Variants in NAALADL2 observed in about 807,000 individuals in gnomAD.
NAALADL2 encodes inactive N-acetylated-alpha-linked acidic dipeptidase-like protein 2.
A neutral mutation model predicts 87.2 loss-of-function variants in NAALADL2; 76 were observed. That is an observed-to-expected ratio of 0.87 (90% CI 0.72 to 1.05). The LOEUF is 1.05. Among genes scored for constraint, NAALADL2 ranks in the 50% least tolerant of loss-of-function variants. The pLI is 0.00. For synonymous variants in NAALADL2, 354 were observed against 331.0 expected (o/e 1.07, Z -0.75); for missense variants, 1,089 against 945.8 (o/e 1.15, Z -1.99).
intron 1 of NAALADL2, among the ~76,000 whole-genome samples, chr3:175,039,443 CCCT>C (rs1362977971): frequency 6.6e-5 from 10 of 152,142 alleles, no homozygotes; most frequent in Non-Finnish European, 1.3e-4. Flanking sequence ...CCTACACAAT[CCCT>C]CCTCCTTTAT....
intron 1 of NAALADL2, among the ~76,000 whole-genome samples, chr3:174,976,059 C>T (rs62286233): frequency 0.044 from 6,691 of 152,038 alleles, 181 homozygotes; most frequent in East Asian, 0.12. Context: ...AACAAAAAAC[C>T]CAAATACAAT....
At chr3:174,978,276 T>G (rs1408726693) in intron 1 of NAALADL2, among the ~76,000 whole-genome samples, 1 of 152,244 alleles carries the variant, frequency 6.6e-6, no homozygotes, top group Non-Finnish European at 1.5e-5. Flanking sequence ...TTTCTTTCTC[T>G]TCAGTGTACA....
intron 1 of NAALADL2, among the ~76,000 whole-genome samples, chr3:174,947,697 A>G (rs949200319): frequency 5.3e-5 from 8 of 152,052 alleles, no homozygotes; most frequent in African/African-American, 1.9e-4. Context: ...AGGTTTTAAA[A>G]AAAAATCCAC....
At chr3:174,826,320 T>G (rs541919917) in intron 3 of NAALADL2, among the ~76,000 whole-genome samples, 1 of 152,348 alleles carries the variant, frequency 6.6e-6, no homozygotes, top group East Asian at 1.9e-4. Context: ...AGAGCTAGAA[T>G]GCTTGTTTTG....
intron 3 of NAALADL2, among the ~76,000 whole-genome samples, chr3:174,787,764 C>T (rs988010412): frequency 6.6e-6 from 1 of 150,680 alleles, no homozygotes; most frequent in African/African-American, 2.4e-5. Flanking sequence ...ACCTAAGTGT[C>T]AATACGTTGT....
chr3:174,590,909 G>A (rs1035872964), intron 2 of NAALADL2, among the ~76,000 whole-genome samples: 9 of 152,048 alleles, frequency 5.9e-5, no homozygotes, highest in Non-Finnish European at 1.0e-4. Context: ...TTAAAGAGAG[G>A]CTTCCATTAG....
chr3:175,126,130 T>C (rs1288611725), intron 2 of NAALADL2, among the ~76,000 whole-genome samples: 1 of 152,008 alleles, frequency 6.6e-6, no homozygotes, highest in Non-Finnish European at 1.5e-5. Flanking sequence ...GAAGGAGTAA[T>C]TGGTGATTGC....
At chr3:174,731,471 C>T (rs1184490662) in intron 2 of NAALADL2, among the ~76,000 whole-genome samples, 1 of 152,040 alleles carries the variant, frequency 6.6e-6, no homozygotes, top group Non-Finnish European at 1.5e-5. Context: ...TGCAAGGTGT[C>T]TTATTTCAGG....
At chr3:175,686,571 C>A (rs1432567890) in intron 11 of NAALADL2, among the ~76,000 whole-genome samples, 1 of 151,550 alleles carries the variant, frequency 6.6e-6, no homozygotes, top group African/African-American at 2.4e-5. Flanking sequence ...ATTAAAAGTT[C>A]AACTTTTAAT....
intron 3 of NAALADL2, among the ~76,000 whole-genome samples, chr3:174,781,424 C>T (rs766262667): frequency 3.9e-4 from 59 of 151,496 alleles, no homozygotes; most frequent in Non-Finnish European, 6.6e-4. Flanking sequence ...ACCATTCAGA[C>T]GTAGATTTGG....
intron 2 of NAALADL2, among the ~76,000 whole-genome samples, chr3:175,132,004 C>CA (rs1728045840): frequency 8.0e-6 from 1 of 125,498 alleles, no homozygotes; most frequent in Non-Finnish European, 1.7e-5. Context: ...GGACTGACCC[C>CA]CCCACCTCCC....
chr3:175,282,374 G>A (rs1429543722), intron 4 of NAALADL2, among the ~76,000 whole-genome samples: 1 of 152,008 alleles, frequency 6.6e-6, no homozygotes, highest in African/African-American at 2.4e-5. Context: ...ACAGACTACA[G>A]CTATATAGGT....
intron 2 of NAALADL2, among the ~76,000 whole-genome samples, chr3:175,214,720 A>T (rs529204460): frequency 1.3e-5 from 2 of 152,288 alleles, no homozygotes; most frequent in South Asian, 4.1e-4. Context: ...ATTCATTCCT[A>T]CTAAACTGGG....
intron 1 of NAALADL2, among the ~76,000 whole-genome samples, chr3:174,469,632 G>C (rs1013146446): frequency 2.6e-5 from 4 of 151,822 alleles, no homozygotes; most frequent in Admixed American, 1.3e-4. Flanking sequence ...GGGTTTCACC[G>C]TGTTAGCCAG....
chr3:175,430,201 T>C (rs1189579176), intron 5 of NAALADL2, among the ~76,000 whole-genome samples: 2 of 151,974 alleles, frequency 1.3e-5, no homozygotes, highest in African/African-American at 4.8e-5. Context: ...AAATTATGCA[T>C]TGAGAACTAC....
chr3:175,393,316 A>AAAAAT (rs1769319845), intron 5 of NAALADL2, among the ~76,000 whole-genome samples: 3 of 136,408 alleles, frequency 2.2e-5, no homozygotes, highest in Non-Finnish European at 3.1e-5. Flanking sequence ...AAAAAAAAAA[A>AAAAAT]TTGTAGAGTT....
chr3:175,292,623 C>CACACACACACACACACA (rs1560302366), intron 4 of NAALADL2, among the ~76,000 whole-genome samples: 2 of 150,678 alleles, frequency 1.3e-5, no homozygotes, highest in Admixed American at 6.6e-5. Flanking sequence ...CACACACACA[C>CACACACACACACACACA]CTGAGGGGAT....
chr3:175,394,130 T>C (rs1036568543), intron 5 of NAALADL2, among the ~76,000 whole-genome samples: 2 of 152,184 alleles, frequency 1.3e-5, no homozygotes, highest in African/African-American at 4.8e-5. Flanking sequence ...GAAAATCCTT[T>C]GGATTTCCAA....
chr3:174,610,404 G>T (rs1324637593), intron 2 of NAALADL2, among the ~76,000 whole-genome samples: 2 of 150,820 alleles, frequency 1.3e-5, no homozygotes, highest in Admixed American at 6.6e-5. Flanking sequence ...GAAAATTTTC[G>T]CAACCTACTC....
Sources: gnomAD v4.1 joint callset for allele counts (sites outside exome capture counted in the v4.1 genomes callset) on GRCh38, gnomAD v4.1.1 for gene constraint, MANE v1.5 for transcripts, NCBI Gene and HGNC (gene_info 2026-07-23, HGNC 2026-07-21) for gene names.